The following FHIP1A variants were observed in gnomAD, a reference collection of about 807,000 sequenced individuals.
FHIP1A encodes FHF complex subunit HOOK-interacting protein 1A.
A neutral mutation model predicts 88.6 loss-of-function variants in FHIP1A; 61 were observed. The observed-to-expected ratio is 0.69, with a 90% CI of 0.56 to 0.85. FHIP1A has a LOEUF of 0.85. FHIP1A is among the 40% of genes least tolerant of loss of function. The pLI, the probability that FHIP1A is intolerant of heterozygous loss-of-function variation, is 0.00. For missense variants in FHIP1A, 1,154 were observed against 1,273.5 expected, an observed-to-expected ratio of 0.91 and a Z score of 1.43; for synonymous variants, 478 against 496.0, an observed-to-expected ratio of 0.96 and a Z score of 0.48.
intron 7 of FHIP1A, among the ~76,000 whole-genome samples, chr4:151,594,601 G>A (rs2126818096): frequency 6.6e-6 from 1 of 150,524 alleles, no homozygotes; most frequent in Non-Finnish European, 1.5e-5. Flanking sequence ...TTTTGAGATG[G>A]AATCTCGCTC....
Position 151,629,695 on chromosome 4 carries a change from G to T in FHIP1A, c.979-7G>T, listed in dbSNP as rs368401659. On this transcript the variant is annotated splice_polypyrimidine_tract_variant and splice_region_variant and intron_variant, in intron 7 of 13. Transcript: ENST00000435205. ...CTCACCTGTGCTCACTCCGTTGTTT[G>T]TCCTAGGTGACTGTGGAAGAGGTCA... 616 of 1,550,392 alleles carry T rather than the reference G, an allele frequency of 4.0e-4. 2 individuals carry two copies. The African/African-American group carries it at 7.2e-3, about 18-fold the overall frequency.
intron 8 of FHIP1A, 55 bp from the exon 9 acceptor site, chr4:151,638,622 G>A (rs1736454323): frequency 9.6e-7 from 1 of 1,041,646 alleles, no homozygotes; most frequent in Admixed American, 2.2e-5. Context: ...TATCTGTGGG[G>A]AGTAGAGTTA....
intron 7 of FHIP1A, among the ~76,000 whole-genome samples, chr4:151,589,876 C>G (rs994815046): frequency 6.6e-6 from 1 of 152,116 alleles, no homozygotes; most frequent in Non-Finnish European, 1.5e-5. Flanking sequence ...AAACAGGGTA[C>G]TTGGTTTGAA....
chr4:151,448,306 A>G (rs1397896327), intron 1 of FHIP1A, among the ~76,000 whole-genome samples: 4 of 152,200 alleles, frequency 2.6e-5, no homozygotes, highest in African/African-American at 7.2e-5. Flanking sequence ...GGAAACTAAT[A>G]TAATACATAA....
At chr4:151,415,792 G>A (rs990042667) in intron 1 of FHIP1A, among the ~76,000 whole-genome samples, 2 of 152,148 alleles carry the variant, frequency 1.3e-5, no homozygotes, top group Non-Finnish European at 2.9e-5. Flanking sequence ...AAAAGGTGCT[G>A]AGCTTTTAGG....
intron 1 of FHIP1A, among the ~76,000 whole-genome samples, chr4:151,443,150 C>T (rs1460749456): frequency 1.3e-5 from 2 of 152,012 alleles, no homozygotes; most frequent in African/African-American, 2.4e-5. Context: ...TGGAGCAAAT[C>T]ACTTGGGCGT....
chr4:151,424,168 T>C (rs1315108897), intron 1 of FHIP1A, among the ~76,000 whole-genome samples: 1 of 152,186 alleles, frequency 6.6e-6, no homozygotes, highest in Non-Finnish European at 1.5e-5. Context: ...CTTCTTCCCT[T>C]CATTTAAATT....
chr4:151,588,310 T>A (rs1032362147), intron 6 of FHIP1A, among the ~76,000 whole-genome samples: 1 of 152,138 alleles, frequency 6.6e-6, no homozygotes, highest in African/African-American at 2.4e-5. Context: ...TTTAAATGCC[T>A]TTTCTTTAAT....
intron 1 of FHIP1A, among the ~76,000 whole-genome samples, chr4:151,410,956 G>A (rs1040543003): frequency 6.6e-5 from 10 of 152,292 alleles, no homozygotes; most frequent in African/African-American, 2.2e-4. Context: ...TGTGTAGGGT[G>A]GCTGGAAAGG....
chr4:151,625,530 A>C (rs1262622320), intron 7 of FHIP1A, among the ~76,000 whole-genome samples: 2 of 152,228 alleles, frequency 1.3e-5, no homozygotes. Context: ...ACTAGAGCTG[A>C]TTACAGAAAG....
At chr4:151,522,078 C>T (rs1052676474) in intron 3 of FHIP1A, among the ~76,000 whole-genome samples, 7 of 152,210 alleles carry the variant, frequency 4.6e-5, no homozygotes, top group East Asian at 3.8e-4. Flanking sequence ...GAAACTTTCA[C>T]TATCACTCTA....
chr4:151,487,627 C>T (rs1730135819), intron 3 of FHIP1A, among the ~76,000 whole-genome samples: 1 of 152,224 alleles, frequency 6.6e-6, no homozygotes, highest in African/African-American at 2.4e-5. Flanking sequence ...GCATCACCAT[C>T]AACCATCAAC....
intron 4 of FHIP1A, among the ~76,000 whole-genome samples, chr4:151,572,852 C>A (rs1035126557): frequency 2.0e-5 from 3 of 152,142 alleles, no homozygotes; most frequent in Non-Finnish European, 4.4e-5. Flanking sequence ...AAGCTAGTCT[C>A]CTGAGAGAGA....
rs149203576 is a variant in FHIP1A, at chr4:151,448,649, T to A, written c.-355-6052T>A. Among the ~76,000 whole-genome samples the A allele has an allele frequency of 4.6e-5, 7 of 152,318 alleles. No homozygotes were observed. In the East Asian group the frequency reaches 1.2e-3, roughly 25 times the overall value. On this transcript the variant is annotated intron_variant, in intron 1 of 13. Coordinates refer to ENST00000435205, the MANE Select transcript of FHIP1A (RefSeq NM_001109977.3). ...ACATGTGTCAGAATTTTCTTCCTTC[T>A]TGATGCTGAATACTCCAGTGTATGT...
At chr4:151,605,238 G>T (rs374643616) in intron 7 of FHIP1A, among the ~76,000 whole-genome samples, 2 of 152,176 alleles carry the variant, frequency 1.3e-5, no homozygotes, top group Admixed American at 6.5e-5. Flanking sequence ...GGGTAGGGTA[G>T]TCTTTTGTTT....
At chr4:151,632,143 G>C (rs1481889249) in intron 8 of FHIP1A, among the ~76,000 whole-genome samples, 2 of 151,776 alleles carry the variant, frequency 1.3e-5, no homozygotes, top group Non-Finnish European at 2.9e-5. Flanking sequence ...AAGCAGAGGT[G>C]GTTGTACTTA....
chr4:151,595,569 C>T (rs1734615073), intron 7 of FHIP1A, among the ~76,000 whole-genome samples: 1 of 152,058 alleles, frequency 6.6e-6, no homozygotes, highest in South Asian at 2.1e-4. Flanking sequence ...GAAGTCCGTC[C>T]TGGATATCTT....
intron 2 of FHIP1A, among the ~76,000 whole-genome samples, chr4:151,459,411 C>T (rs773476553): frequency 6.6e-6 from 1 of 152,080 alleles, no homozygotes; most frequent in Non-Finnish European, 1.5e-5. Flanking sequence ...ACCAAAAGTC[C>T]AGCAAGAGTG....
At chr4:151,657,954 G>A (rs1737311956) in intron 13 of FHIP1A, among the ~76,000 whole-genome samples, 1 of 152,182 alleles carries the variant, frequency 6.6e-6, no homozygotes, top group African/African-American at 2.4e-5. Context: ...CATCTCTTAG[G>A]TGCTTTCCGG....
Sources: gnomAD v4.1 joint callset for allele counts (sites outside exome capture counted in the v4.1 genomes callset) on GRCh38, gnomAD v4.1.1 for gene constraint, MANE v1.5 for transcripts, NCBI Gene and HGNC (gene_info 2026-07-23, HGNC 2026-07-21) for gene names.